Variants in ABCG2 observed in about 807,000 individuals in gnomAD.
ABCG2 encodes the protein ATP binding cassette subfamily G member 2 (JR blood group), also known as broad substrate specificity ATP-binding cassette transporter ABCG2.
In ABCG2, 80 loss-of-function variants were observed where a neutral mutation model predicts 73.5. The observed-to-expected ratio is 1.09, with a 90% confidence interval of 0.91 to 1.31. The LOEUF (loss-of-function observed/expected upper bound fraction) is 1.31. Among genes scored for constraint, ABCG2 ranks in the 50% most tolerant of loss-of-function variants. ABCG2 has a pLI of 0.00. For synonymous variants in ABCG2, 269 were observed against 282.4 expected (o/e 0.95, Z 0.48); for missense variants, 796 against 786.2 (o/e 1.01, Z -0.15).
chr4:88,229,081 G>T (rs1164315866), intron 1 of ABCG2, among the ~76,000 whole-genome samples: 1 of 152,206 alleles, frequency 6.6e-6, no homozygotes, highest in Non-Finnish European at 1.5e-5. Flanking sequence ...CACTGTGAAA[G>T]CTTTGTTCTT....
At chr4:88,164,661 C>T (rs572540304) in intron 1 of ABCG2, among the ~76,000 whole-genome samples, 3 of 152,200 alleles carry the variant, frequency 2.0e-5, no homozygotes, top group East Asian at 1.9e-4. Flanking sequence ...TACCCAGTCT[C>T]GGGTATGTCT....
chr4:88,165,106 T>G (rs547683412), intron 1 of ABCG2, among the ~76,000 whole-genome samples: 13 of 152,234 alleles, frequency 8.5e-5, no homozygotes, highest in African/African-American at 3.1e-4. Flanking sequence ...TAGAGAAAAT[T>G]GAAATAAATA....
In ABCG2 at chr4:88,136,975, G is replaced by A. The variant is rs1725290415; in HGVS notation, c.203+2818C>T. Reference sequence around the variant, plus strand: ...TGCAGTGAGCCAAGATCATGCCACTGCACTCCAGCCTGGGCAACAAGAGCA... The same window carrying A: ...TGCAGTGAGCCAAGATCATGCCACTACACTCCAGCCTGGGCAACAAGAGCA... On this transcript the variant is annotated intron_variant, in intron 2 of 15. Transcript: ENST00000237612. 2.1e-5 allele frequency among the ~76,000 whole-genome samples: 3 copies of A among 146,164 alleles called. No individual in the cohort carries two copies. In the Admixed American group the frequency reaches 2.2e-4, roughly 11 times the overall value.
At chr4:88,190,853 T>C (rs1192679070) in intron 1 of ABCG2, among the ~76,000 whole-genome samples, 1 of 152,084 alleles carries the variant, frequency 6.6e-6, no homozygotes, top group Non-Finnish European at 1.5e-5. Flanking sequence ...TGCCCTTTTC[T>C]AAACGTTCAG....
upstream of ABCG2, among the ~76,000 whole-genome samples, chr4:88,163,067 T>C (rs1727376703): frequency 1.3e-5 from 2 of 152,226 alleles, no homozygotes; most frequent in Admixed American, 6.5e-5. Flanking sequence ...GGATTCACCA[T>C]GGGCCTGGGG....
chr4:88,176,477 C>CTTT lies in ABCG2; in HGVS notation c.-19-36466_-19-36464dup, dbSNP rs34754034. Among the ~76,000 whole-genome samples the CTTT allele has an allele frequency of 1.7e-3, 144 of 84,826 alleles. 3 individuals are homozygous for CTTT. The highest frequency in any genetic ancestry group is 4.1e-3 in the African/African-American group (91 of 22,202). The allele number at this position is 84,826 out of a possible 152,430, so 55.6% of individuals were successfully genotyped here. A position where few individuals can be genotyped will look rare whatever the true frequency, so the allele number is the denominator to read the frequency against. On this transcript the variant is annotated intron_variant, in intron 1 of 15. Transcript: ENST00000515655. ...TACAGTAATGAAACCAAAGAGAATG[C>CTTT]TTTTTTTTTTTTTTTTTTTTTGTGA...
rs70957302 is a variant in ABCG2, at chr4:88,125,607, C to CAAA, written c.532-3818_532-3816dup. ...TGGGCAACAGAGCAAGACTCTGTCT[C>CAAA]AAAAAAAAAAAAAAAAAAAAAAAAA... On this transcript the variant is annotated intron_variant, in intron 5 of 15. Coordinates refer to ENST00000237612, the MANE Select transcript of ABCG2 (RefSeq NM_004827.3). 2.6e-4 allele frequency among the ~76,000 whole-genome samples: 9 copies of CAAA among 34,950 alleles called. 1 individual carries two copies. Among genetic ancestry groups the CAAA allele is most frequent in the African/African-American group, 5.2e-4 (5 of 9,682 alleles). 22.9% of individuals were successfully genotyped at this position (34,950 alleles called of 152,430 possible). A position where few individuals can be genotyped will look rare whatever the true frequency, so the allele number is the denominator to read the frequency against.
intron 1 of ABCG2, 100 bp downstream of exon 1, chr4:88,158,286 C>A (rs946822714): frequency 1.2e-4 from 39 of 330,814 alleles, no homozygotes; most frequent in Non-Finnish European, 2.1e-4. Context: ...TCAGTCGTCT[C>A]GTTTGAACGG....
chr4:88,120,584 G>A (rs1209281090), intron 6 of ABCG2, among the ~76,000 whole-genome samples: 1 of 152,192 alleles, frequency 6.6e-6, no homozygotes, highest in African/African-American at 2.4e-5. Context: ...AGATTTGACT[G>A]CCCCTTTGGA....
intron 8 of ABCG2, 117 bp from the exon 9 acceptor site, chr4:88,113,670 A>C: frequency 1.5e-6 from 2 of 1,359,322 alleles, no homozygotes; most frequent in Non-Finnish European, 2.0e-6. Flanking sequence ...AAGCTTTAGA[A>C]AGAAAAAATA....
intron 1 of ABCG2, among the ~76,000 whole-genome samples, chr4:88,152,748 A>G (rs1183145932): frequency 2.6e-5 from 4 of 152,122 alleles, no homozygotes; most frequent in Admixed American, 1.3e-4. Context: ...TCTTATATTA[A>G]TAAGAAAAAT....
Position 88,152,864 on chromosome 4 carries a change from C to T in ABCG2, c.-20+5522G>A, listed in dbSNP as rs556300924. ...GGGCTGCTTCAAGTGGGATTAGGGG[C>T]GGCGTGGGAACCTAAAGTGGGAGAG... On this transcript the variant is annotated intron_variant, in intron 1 of 15. Coordinates refer to ENST00000237612, the MANE Select transcript of ABCG2 (RefSeq NM_004827.3). 1.1e-3 allele frequency among the ~76,000 whole-genome samples: 165 copies of T among 151,824 alleles called. 1 individual carries two copies. The highest frequency in any genetic ancestry group is 2.1e-3 in the East Asian group (11 of 5,162).
At chr4:88,204,361 C>T (rs766792720) in intron 1 of ABCG2, among the ~76,000 whole-genome samples, 1 of 152,136 alleles carries the variant, frequency 6.6e-6, no homozygotes, top group Non-Finnish European at 1.5e-5. Context: ...GTACAGGTTG[C>T]AGTGAGCCGA....
At chr4:88,114,627 CAA>C (rs11320820) in intron 8 of ABCG2, among the ~76,000 whole-genome samples, 20 of 107,118 alleles carry the variant, frequency 1.9e-4, no homozygotes, top group African/African-American at 4.0e-4. Flanking sequence ...GATTCCTTCT[CAA>C]AAAAAAAAAA....
chr4:88,110,986 T>C (rs2110002215), intron 9 of ABCG2, among the ~76,000 whole-genome samples: 1 of 152,272 alleles, frequency 6.6e-6, no homozygotes, highest in South Asian at 2.1e-4. Context: ...TTTGTGAAAG[T>C]GAGTTCACTG....
intron 1 of ABCG2, among the ~76,000 whole-genome samples, chr4:88,166,227 A>T (rs1436930293): frequency 6.6e-6 from 1 of 152,238 alleles, no homozygotes; most frequent in Non-Finnish European, 1.5e-5. Context: ...CTTCACTGCC[A>T]GTAAGGAGAC....
At chr4:88,173,300 C>A (rs2110094607) in intron 1 of ABCG2, among the ~76,000 whole-genome samples, 1 of 152,172 alleles carries the variant, frequency 6.6e-6, no homozygotes, top group African/African-American at 2.4e-5. Context: ...TATTTTGAAA[C>A]AAATTTCAGA....
intron 1 of ABCG2, among the ~76,000 whole-genome samples, chr4:88,174,545 C>T (rs1204875533): frequency 2.0e-5 from 3 of 152,166 alleles, no homozygotes; most frequent in East Asian, 3.9e-4. Flanking sequence ...TGCGCCACCA[C>T]GCCCAGGTAA....
rs2231149 is a variant in ABCG2 at position 88,107,132 on chromosome 4, G to A, written c.1277+52C>T. On this transcript the variant is annotated intron_variant, in intron 10 of 15. Transcript: ENST00000237612. The stretch of plus-strand genomic sequence containing the variant: ...TCAAATTCTTAATGGATTTCAATAA[G>A]CTTGAAGAAAGTAACAGCATTTTCT... 4.2e-4 allele frequency: 550 copies of A among 1,319,492 alleles called. 12 individuals are homozygous for A. The East Asian group carries it at 8.9e-3, about 21-fold the overall frequency. The allele number at this position is 1,319,492 out of a possible 1,614,324, so 81.7% of individuals were successfully genotyped here.
Sources: gnomAD v4.1 joint callset for allele counts (sites outside exome capture counted in the v4.1 genomes callset) on GRCh38, gnomAD v4.1.1 for gene constraint, MANE v1.5 for transcripts, NCBI Gene and HGNC (gene_info 2026-07-23, HGNC 2026-07-21) for gene names.